Variants in HPX observed in about 807,000 individuals in gnomAD.
HPX encodes hemopexin, also known as beta-1B-glycoprotein.
Under a neutral mutation model 53.8 loss-of-function variants are expected in HPX, and 42 were observed. The observed-to-expected ratio is 0.78, with a 90% confidence interval of 0.61 to 1.01. The LOEUF (loss-of-function observed/expected upper bound fraction) is 1.01. Ranked by LOEUF, HPX falls within the 50% of genes least tolerant of loss-of-function variation. The probability of loss-of-function intolerance (pLI) is 0.00; values close to 1 mark genes in which losing one functional copy is unlikely to be tolerated. For missense variants in HPX, 547 were observed against 594.3 expected (o/e 0.92, Z 0.83); for synonymous variants, 229 against 221.1 (o/e 1.04, Z -0.32).
intron 6 of HPX, 110 bp downstream of exon 6, chr11:6,437,330 G>T: frequency 7.3e-7 from 1 of 1,370,246 alleles, no homozygotes; most frequent in Non-Finnish European, 1.0e-6. Flanking sequence ...TAGATTAAGG[G>T]CCAAGGTGTC....
chr11:6,431,248 G>A lies in HPX; in HGVS notation c.1352C>T (p.Pro451Leu). The A allele has an allele frequency of 1.2e-6, 2 of 1,614,266 alleles. No individual in the cohort carries two copies. Among genetic ancestry groups the A allele is most frequent in the South Asian group, 1.1e-5 (1 of 91,086 alleles). Residue 451 changes from proline (P) to leucine (L), a missense_variant, in exon 10 of 10, where the codon CCC becomes CTC. Transcript: ENST00000265983. ...KLNAAKALPQ[P>L]QNVTSLLGCT... Reference sequence around the variant, plus strand: ...GCCCAGGAGACTGGTCACATTCTGGGGTTGCGGAAGGGCCTTGGCTGCATT... The same window carrying A: ...GCCCAGGAGACTGGTCACATTCTGGAGTTGCGGAAGGGCCTTGGCTGCATT...
intron 7 of HPX, among the ~76,000 whole-genome samples, chr11:6,436,417 T>C (rs552186725): frequency 6.6e-6 from 1 of 152,322 alleles, no homozygotes; most frequent in East Asian, 1.9e-4. Context: ...TATTATTAGA[T>C]GGCTTTTACC....
At chr11:6,436,470 C>T (rs1220137144) in intron 7 of HPX, among the ~76,000 whole-genome samples, 1 of 152,166 alleles carries the variant, frequency 6.6e-6, no homozygotes, top group Non-Finnish European at 1.5e-5. Context: ...CCATTGGCTA[C>T]TCAGAGGAGA....
chr11:6,433,452 C>T (rs1322359825), intron 7 of HPX, among the ~76,000 whole-genome samples: 1 of 152,134 alleles, frequency 6.6e-6, no homozygotes, highest in South Asian at 2.1e-4. Flanking sequence ...GCTAGGATTA[C>T]AGGCGTAAGC....
chr11:6,431,205 G>A lies in HPX; in HGVS notation c.*6C>T, dbSNP rs755836930. The A allele has an allele frequency of 4.3e-6, 7 of 1,613,922 alleles. No individual in the cohort carries two copies. In the African/African-American group the frequency reaches 9.3e-5, roughly 22 times the overall value. On this transcript the variant is annotated 3_prime_UTR_variant, in exon 10 of 10. Coordinates refer to ENST00000265983, the MANE Select transcript of HPX (RefSeq NM_000613.3). ...GGGCCAGGCCAGACTCATGTCAGAA[G>A]GCCCCTCAGTGAGTGCAGCCCAGGA... is the stretch of plus-strand genomic sequence containing the variant.
At chr11:6,438,218 C>T (rs973203712) in intron 5 of HPX, 138 bp downstream of exon 5, 81 of 830,408 alleles carry the variant, frequency 9.8e-5, no homozygotes, top group Middle Eastern at 3.7e-4. Context: ...CTAGACCATA[C>T]GTGGCTTCTC....
At chr11:6,431,855 T>A (rs1221617806) in intron 8 of HPX, 32 bp downstream of exon 8, 1 of 1,613,934 alleles carries the variant, frequency 6.2e-7, no homozygotes, top group Non-Finnish European at 8.5e-7. Context: ...CTTGTCCCAG[T>A]CTCTACCTCA....
chr11:6,440,567 T>TAAAAAAAAAAAAAAAAAAAAAAA, intron 2 of HPX, 29 bp from the exon 3 acceptor site: 3 of 589,000 alleles, frequency 5.1e-6, no homozygotes, highest in East Asian at 3.8e-5. Flanking sequence ...GATGGCAAAG[T>TAAAAAAAAAAAAAAAAAAAAAAA]AAAAAAAAAA....
Position 6,431,248 on chromosome 11 carries a change from G to T in HPX, c.1352C>A (p.Pro451His), listed in dbSNP as rs1849343143. 1 of 1,614,148 alleles carries T rather than the reference G, an allele frequency of 6.2e-7. No individual in the cohort carries two copies. Among genetic ancestry groups the T allele is most frequent in the South Asian group, 1.1e-5 (1 of 91,090 alleles). Reference protein sequence around the residue: ...KLNAAKALPQPQNVTSLLGCT... With the variant: ...KLNAAKALPQHQNVTSLLGCT... ...GCCCAGGAGACTGGTCACATTCTGGGGTTGCGGAAGGGCCTTGGCTGCATT... is the reference window on the plus strand; with the variant it reads ...GCCCAGGAGACTGGTCACATTCTGGTGTTGCGGAAGGGCCTTGGCTGCATT... Residue 451 changes from proline (P) to histidine (H), a missense_variant, in exon 10 of 10, where the codon CCC becomes CAC. Transcript: ENST00000265983.
intron 5 of HPX, 59 bp from the exon 6 acceptor site, chr11:6,437,711 T>C (rs1212268900): frequency 7.2e-7 from 1 of 1,388,186 alleles, no homozygotes; most frequent in African/African-American, 1.4e-5. Flanking sequence ...CCTTTGTGCT[T>C]TCTCTGGGTC....
chr11:6,435,331 T>G (rs943885248), intron 7 of HPX, among the ~76,000 whole-genome samples: 1 of 151,924 alleles, frequency 6.6e-6, no homozygotes, highest in South Asian at 2.1e-4. Context: ...AATTTACCAG[T>G]GAGAGGGGAG....
At chr11:6,438,582 TA>T (rs1213875045) in intron 4 of HPX, 73 bp from the exon 5 acceptor site, 1 of 1,363,104 alleles carries the variant, frequency 7.3e-7, no homozygotes, top group Non-Finnish European at 1.0e-6. Context: ...ACACATTTTT[TA>T]TCTACTGTGC....
chr11:6,438,283 C>G, intron 5 of HPX, 73 bp downstream of exon 5: 1 of 1,468,666 alleles, frequency 6.8e-7, no homozygotes, highest in South Asian at 1.2e-5. Context: ...ATCACTACCA[C>G]TATCACCATC....
chr11:6,438,061 G>GC, intron 5 of HPX: 6 of 506,014 alleles, frequency 1.2e-5, no homozygotes, highest in Non-Finnish European at 2.1e-5. Context: ...GGGCCAATAG[G>GC]GATTTGGCCA....
chr11:6,439,916 C>G (rs903818955), intron 4 of HPX: 21 of 525,948 alleles, frequency 4.0e-5, no homozygotes, highest in Admixed American at 9.3e-5. Flanking sequence ...GGATGGCCAG[C>G]AGTGTGAGGT....
rs551211947 is a variant in HPX at position 6,433,894 on chromosome 11, C to A, written c.836-1877G>T. On this transcript the variant is annotated intron_variant, in intron 7 of 9. Transcript: ENST00000265983. ...GCTCACCCTCCCTAAAATGCTTTTCCTCCAGCACATCGTGTGGTTAATTCC... is the reference window on the plus strand; with the variant it reads ...GCTCACCCTCCCTAAAATGCTTTTCATCCAGCACATCGTGTGGTTAATTCC... 2.6e-5 allele frequency among the ~76,000 whole-genome samples: 4 copies of A among 152,336 alleles called. No homozygotes were observed. The South Asian group carries it at 8.3e-4, about 32-fold the overall frequency.
intron 6 of HPX, 34 bp from the exon 7 acceptor site, chr11:6,437,211 G>A: frequency 6.3e-7 from 1 of 1,598,900 alleles, no homozygotes; most frequent in East Asian, 2.2e-5. Context: ...GAACACAGAA[G>A]GAGGCCAGAG....
chr11:6,435,534 G>A (rs976561418), intron 7 of HPX, among the ~76,000 whole-genome samples: 2 of 151,894 alleles, frequency 1.3e-5, no homozygotes, highest in South Asian at 2.1e-4. Context: ...GCACGATCAC[G>A]GCTCACTGAA....
intron 5 of HPX, chr11:6,438,147 C>T: frequency 1.6e-6 from 1 of 606,786 alleles, no homozygotes. Context: ...GGACTATTCA[C>T]ACAGAATTAC....
Sources: allele counts gnomAD v4.1 joint callset (sites outside exome capture counted in the v4.1 genomes callset), GRCh38; gene constraint gnomAD v4.1.1; transcripts MANE v1.5; gene names NCBI Gene and HGNC (gene_info 2026-07-23, HGNC 2026-07-21).